Variants in CTDSPL observed in about 807,000 individuals in gnomAD.
The protein encoded by CTDSPL is CTD small phosphatase-like protein.
CTDSPL carries 8 observed loss-of-function variants against 30.5 expected under a neutral mutation model. The ratio of observed to expected loss-of-function variants is 0.26; its 90% CI spans 0.15 to 0.47. The LOEUF (loss-of-function observed/expected upper bound fraction) is 0.47. CTDSPL is among the 20% of genes least tolerant of loss of function. The probability of loss-of-function intolerance (pLI) is 0.99; values close to 1 mark genes in which losing one functional copy is unlikely to be tolerated. For synonymous variants in CTDSPL, 110 were observed against 137.9 expected (o/e 0.80, Z 1.42); for missense variants, 248 against 366.1 (o/e 0.68, Z 2.63).
intron 1 of CTDSPL, among the ~76,000 whole-genome samples, chr3:37,900,830 G>T (rs959855253): frequency 6.6e-6 from 1 of 151,886 alleles, no homozygotes; most frequent in Non-Finnish European, 1.5e-5. Context: ...ACGAAGTCTC[G>T]CTCTGTTGCC....
chr3:37,937,137 T>TCCC (rs1698925882), intron 1 of CTDSPL, among the ~76,000 whole-genome samples: 1 of 150,350 alleles, frequency 6.7e-6, no homozygotes, highest in African/African-American at 2.4e-5. Context: ...AAGTGAGTAC[T>TCCC]CACAGCCAAG....
At chr3:37,933,157 G>GAA (rs57356731) in intron 1 of CTDSPL, among the ~76,000 whole-genome samples, 13 of 61,590 alleles carry the variant, frequency 2.1e-4, no homozygotes, top group Admixed American at 3.7e-4. Context: ...TCTGTCTCAA[G>GAA]AAAAAAAAAA....
intron 1 of CTDSPL, 46 bp from the exon 2 acceptor site, chr3:37,947,011 A>G: frequency 6.3e-7 from 1 of 1,578,476 alleles, no homozygotes; most frequent in Non-Finnish European, 8.6e-7. Context: ...TACAACTATC[A>G]GTACATGCTG....
At chr3:37,906,932 T>A (rs1415420080) in intron 1 of CTDSPL, among the ~76,000 whole-genome samples, 2 of 135,112 alleles carry the variant, frequency 1.5e-5, no homozygotes, top group Non-Finnish European at 3.3e-5. Flanking sequence ...GCGTCTGTGT[T>A]CAAACTGCTT....
chr3:37,940,490 C>G (rs1338008678), intron 1 of CTDSPL, among the ~76,000 whole-genome samples: 1 of 150,566 alleles, frequency 6.6e-6, no homozygotes, highest in African/African-American at 2.4e-5. Flanking sequence ...CTTTGTAACC[C>G]AGCTCCTTTT....
chr3:37,968,098 C>T (rs1166149035), intron 5 of CTDSPL: 5 of 515,240 alleles, frequency 9.7e-6, no homozygotes, highest in South Asian at 4.8e-5. Context: ...ATATTAGATG[C>T]GGTTGCAAGT....
intron 1 of CTDSPL, among the ~76,000 whole-genome samples, chr3:37,921,480 TC>T (rs896632353): frequency 1.3e-5 from 2 of 152,186 alleles, no homozygotes; most frequent in African/African-American, 2.4e-5. Flanking sequence ...TGTATCTGTC[TC>T]CTCCCCCTAG....
chr3:37,954,523 C>G (rs1270571856), intron 2 of CTDSPL: 2 of 152,274 alleles, frequency 1.3e-5, no homozygotes, highest in Admixed American at 6.5e-5. Flanking sequence ...AGATTCCAGG[C>G]CCATTTCTAC....
intron 1 of CTDSPL, among the ~76,000 whole-genome samples, chr3:37,884,342 T>C (rs1698240717): frequency 6.6e-6 from 1 of 152,178 alleles, no homozygotes; most frequent in Non-Finnish European, 1.5e-5. Context: ...TGTTGAAACA[T>C]ATACATCAAT....
intron 2 of CTDSPL, among the ~76,000 whole-genome samples, chr3:37,951,309 A>G (rs1260437993): frequency 2.0e-5 from 3 of 151,744 alleles, no homozygotes; most frequent in Non-Finnish European, 1.5e-5. Context: ...TGGAGCTTGC[A>G]TTGAGCCGAG....
At chr3:37,914,399 T>C (rs1678669943) in intron 1 of CTDSPL, among the ~76,000 whole-genome samples, 1 of 152,248 alleles carries the variant, frequency 6.6e-6, no homozygotes, top group African/African-American at 2.4e-5. Context: ...ATGCAGGCAT[T>C]CTTGTCTTAT....
chr3:37,887,765 C>G (rs1371972667), intron 1 of CTDSPL, among the ~76,000 whole-genome samples: 1 of 152,138 alleles, frequency 6.6e-6, no homozygotes, highest in African/African-American at 2.4e-5. Context: ...GTGCAGTTAT[C>G]AGTCTAAAAG....
At chr3:37,964,212 A>C (rs960928621) in intron 3 of CTDSPL, among the ~76,000 whole-genome samples, 2 of 152,168 alleles carry the variant, frequency 1.3e-5, no homozygotes, top group African/African-American at 4.8e-5. Context: ...TTTTAATAAT[A>C]ACTGTAGCCA....
At chr3:37,864,106 T>C (rs994842752) in intron 1 of CTDSPL, among the ~76,000 whole-genome samples, 3 of 152,176 alleles carry the variant, frequency 2.0e-5, no homozygotes, top group African/African-American at 7.2e-5. Context: ...GTTTGCTTCC[T>C]GTGCTCCTTA....
chr3:37,918,987 T>C (rs1698681189), intron 1 of CTDSPL, among the ~76,000 whole-genome samples: 2 of 152,140 alleles, frequency 1.3e-5, no homozygotes, highest in Admixed American at 1.3e-4. Context: ...AAAAAAATTA[T>C]ATGTAATATA....
intron 1 of CTDSPL, among the ~76,000 whole-genome samples, chr3:37,901,240 G>A (rs934633722): frequency 7.2e-5 from 11 of 152,188 alleles, no homozygotes; most frequent in Middle Eastern, 3.2e-3. Flanking sequence ...GCCTTTCTGT[G>A]TATGCTCCAA....
intron 1 of CTDSPL, among the ~76,000 whole-genome samples, chr3:37,933,803 T>C (rs1310560070): frequency 6.6e-6 from 1 of 152,230 alleles, no homozygotes. Context: ...CATATGGAGC[T>C]GCATCCTTCT....
chr3:37,884,316 A>C (rs1353836347), intron 1 of CTDSPL, among the ~76,000 whole-genome samples: 2 of 152,194 alleles, frequency 1.3e-5, no homozygotes, highest in Non-Finnish European at 2.9e-5. Flanking sequence ...GAGCATATAC[A>C]GTGTAGGCTC....
chr3:37,919,689 C>T (rs1340025433), intron 1 of CTDSPL, among the ~76,000 whole-genome samples: 1 of 152,136 alleles, frequency 6.6e-6, no homozygotes, highest in Non-Finnish European at 1.5e-5. Flanking sequence ...GAGGAAGGAT[C>T]AGCAGAGATG....
Sources: gnomAD v4.1 joint callset for allele counts (sites outside exome capture counted in the v4.1 genomes callset) on GRCh38, gnomAD v4.1.1 for gene constraint, MANE v1.5 for transcripts, NCBI Gene and HGNC (gene_info 2026-07-23, HGNC 2026-07-21) for gene names.